Variants in BUB3 observed in about 807,000 individuals in gnomAD.
BUB3 encodes BUB3 mitotic checkpoint protein.
Under a neutral mutation model 39.9 loss-of-function variants are expected in BUB3, and 22 were observed. The observed-to-expected ratio is 0.55, with a 90% confidence interval of 0.39 to 0.79. The LOEUF is 0.79. Ranked by LOEUF, BUB3 falls within the 30% of genes least tolerant of loss-of-function variation. BUB3 has a pLI of 0.00. For synonymous variants in BUB3, 168 were observed against 155.1 expected, an observed-to-expected ratio of 1.08 and a Z score of -0.62; for missense variants, 303 against 415.4, an observed-to-expected ratio of 0.73 and a Z score of 2.35.
chr10:123,155,179 T>C (rs2133564403), intron 2 of BUB3, 67 bp downstream of exon 2: 1 of 1,532,072 alleles, frequency 6.5e-7, no homozygotes, highest in Middle Eastern at 1.8e-4. Context: ...GAGGAGCGTT[T>C]CTTTTCCAGT....
chr10:123,162,605 C>A lies in BUB3; in HGVS notation c.755-7C>A. On this transcript the variant is annotated splice_polypyrimidine_tract_variant and splice_region_variant and intron_variant, in intron 6 of 7. Transcript: ENST00000368865. ...AACCATTTTAACTGTTTTGAAATTACTTCCAGGTGGTTCTGATGGCTTTGT... is the reference window on the plus strand; with the variant it reads ...AACCATTTTAACTGTTTTGAAATTAATTCCAGGTGGTTCTGATGGCTTTGT... 1 of 1,601,600 alleles carries A rather than the reference C, an allele frequency of 6.2e-7. No individual in the cohort carries two copies. Among genetic ancestry groups the A allele is most frequent in the East Asian group, 2.2e-5 (1 of 44,838 alleles).
chr10:123,157,836 C>T lies in BUB3; in HGVS notation c.373C>T (p.Pro125Ser), dbSNP rs1445770507. 9 of 1,613,784 alleles carry T rather than the reference C, an allele frequency of 5.6e-6. No individual in the cohort carries two copies. The highest frequency in any genetic ancestry group is 4.0e-5 in the African/African-American group (3 of 74,860). The change falls in exon 4 of 8, where the codon CCC (proline) becomes TCC (serine). Residue 125 changes from proline to serine, a missense_variant. This residue lies in a region of BUB3 where 182 missense variants were observed against 293.1 expected (regional missense o/e 0.62). Coordinates refer to ENST00000368865, the MANE Select transcript of BUB3 (RefSeq NM_004725.4). ...GGATCAGACAGTTAAACTGTGGGATCCCAGAACTCCTTGTAATGCTGGGAC... is the reference window on the plus strand; with the variant it reads ...GGATCAGACAGTTAAACTGTGGGATTCCAGAACTCCTTGTAATGCTGGGAC... ...SWDQTVKLWD[P>S]RTPCNAGTFS...
intron 5 of BUB3, among the ~76,000 whole-genome samples, chr10:123,160,817 A>G (rs1443840260): frequency 2.0e-5 from 3 of 152,162 alleles, no homozygotes; most frequent in African/African-American, 7.2e-5. Flanking sequence ...GTTTGAATAG[A>G]GGAGGTTTTC....
intron 5 of BUB3, 60 bp downstream of exon 5, chr10:123,160,625 AATG>A: frequency 7.3e-7 from 1 of 1,379,062 alleles, no homozygotes; most frequent in South Asian, 1.8e-5. Flanking sequence ...CTTATATTAT[AATG>A]ATTTGGCCAC....
In BUB3 at chr10:123,160,407, G is replaced by GTA; in HGVS notation, c.423_424dup (p.Thr142IlefsTer10). Reference sequence around the variant, plus strand: ...AGCAAGTTTTGATCTTTTTTAAAAGGTATATACCCTCTCAGTGTCTGGAGA... The same window carrying GTA: ...AGCAAGTTTTGATCTTTTTTAAAAGGTATATATACCCTCTCAGTGTCTGGAGA... On this transcript the variant is annotated frameshift_variant and splice_region_variant, in exon 5 of 8. Transcript: ENST00000368865. LOFTEE classifies it high-confidence loss of function. 1 of 1,594,078 alleles carries GTA rather than the reference G, an allele frequency of 6.3e-7. No homozygotes were observed. Among genetic ancestry groups the GTA allele is most frequent in the Non-Finnish European group, 8.5e-7 (1 of 1,174,050 alleles).
At chr10:123,155,552 C>T in intron 2 of BUB3, 106 bp from the exon 3 acceptor site, 1 of 1,026,380 alleles carries the variant, frequency 9.7e-7, no homozygotes, top group Non-Finnish European at 1.5e-6. Context: ...AATAGTTGAG[C>T]CCAGTGCATA....
chr10:123,159,678 G>A (rs1424715375), intron 4 of BUB3, among the ~76,000 whole-genome samples: 1 of 152,060 alleles, frequency 6.6e-6, no homozygotes, highest in African/African-American at 2.4e-5. Context: ...CATTATAAGG[G>A]GAAAAATAGG....
rs1844458483 is a variant in BUB3, at chr10:123,164,140, AATGTT to A, written c.*306_*310del. 1.9e-6 allele frequency: 2 copies of A among 1,075,738 alleles called. No homozygotes were observed. Among genetic ancestry groups the A allele is most frequent in the Admixed American group, 1.1e-4 (2 of 18,990 alleles). 66.6% of individuals were successfully genotyped at this position (1,075,738 alleles called of 1,614,324 possible). A position where few individuals can be genotyped will look rare whatever the true frequency, so the allele number is the denominator to read the frequency against. On this transcript the variant is annotated 3_prime_UTR_variant, in exon 8 of 8. Coordinates refer to ENST00000368865, the MANE Select transcript of BUB3 (RefSeq NM_004725.4). ...ATTTTTTGTTTCCACTGTGGAAATAAATGTTTGTAAATAAGTGTAATAAAAATCCC... is the reference window on the plus strand; with the variant it reads ...ATTTTTTGTTTCCACTGTGGAAATAATGTAAATAAGTGTAATAAAAATCCC...
chr10:123,156,751 T>C (rs1380977816), intron 3 of BUB3, among the ~76,000 whole-genome samples: 3 of 147,416 alleles, frequency 2.0e-5, no homozygotes, highest in Non-Finnish European at 3.0e-5. Flanking sequence ...TTTTTCTTTC[T>C]TGTTTTTTTT....
chr10:123,166,091 T>A lies in BUB3; in HGVS notation c.*2256T>A, dbSNP rs6599658. 3 of 152,138 alleles carry A rather than the reference T, an allele frequency of 2.0e-5. No homozygotes were observed. Among genetic ancestry groups the A allele is most frequent in the African/African-American group, 7.2e-5 (3 of 41,408 alleles). The allele number at this position is 152,138 out of a possible 1,614,324, so 9.4% of individuals were successfully genotyped here. On this transcript the variant is annotated 3_prime_UTR_variant, in exon 8 of 8. Coordinates refer to ENST00000368865, the MANE Select transcript of BUB3 (RefSeq NM_004725.4). ...CCTCCCTGCCATCTCTACATACCCC[T>A]TAACCAGCTCTCCACAATTTACTTG...
chr10:123,155,296 G>A (rs1844335607), intron 2 of BUB3, among the ~76,000 whole-genome samples, 184 bp downstream of exon 2: 1 of 152,176 alleles, frequency 6.6e-6, no homozygotes, highest in Admixed American at 6.5e-5. Context: ...TGCAGACATT[G>A]GAAACTCCGT....
rs1372553940 is a variant in BUB3, at chr10:123,170,237, A to G, written c.*6402A>G. 1 of 152,240 alleles carries G rather than the reference A, an allele frequency of 6.6e-6. No individual in the cohort carries two copies. Among genetic ancestry groups the G allele is most frequent in the Admixed American group, 6.5e-5 (1 of 15,288 alleles). 9.4% of individuals were successfully genotyped at this position (152,240 alleles called of 1,614,324 possible). A position where few individuals can be genotyped will look rare whatever the true frequency, so the allele number is the denominator to read the frequency against. On this transcript the variant is annotated 3_prime_UTR_variant, in exon 8 of 8. Coordinates refer to ENST00000368865, the MANE Select transcript of BUB3 (RefSeq NM_004725.4). ...TAACACTTCACTCTCAGATATAATT[A>G]TTAGCTGACTTTTTAGATTCTTTTT...
In BUB3 at chr10:123,165,475, T is replaced by G. The variant is rs1844481018; in HGVS notation, c.*1640T>G. The G allele has an allele frequency of 6.2e-6, 1 of 160,454 alleles. No individual in the cohort carries two copies. Among genetic ancestry groups the G allele is most frequent in the African/African-American group, 2.4e-5 (1 of 41,690 alleles). The allele number at this position is 160,454 out of a possible 1,614,324, so 9.9% of individuals were successfully genotyped here. A position where few individuals can be genotyped will look rare whatever the true frequency, so the allele number is the denominator to read the frequency against. On this transcript the variant is annotated 3_prime_UTR_variant, in exon 8 of 8. Coordinates refer to ENST00000368865, the MANE Select transcript of BUB3 (RefSeq NM_004725.4). ...TGGGGGATGACATTTTACCTTTAAG[T>G]CCACTCTCCCTCGTTTAATTGTCTC... is the stretch of plus-strand genomic sequence containing the variant.
In BUB3 at chr10:123,163,983, ATTTT is replaced by A. The variant is rs75406601; in HGVS notation, c.*156_*159del. On this transcript the variant is annotated 3_prime_UTR_variant, in exon 8 of 8. Coordinates refer to ENST00000368865, the MANE Select transcript of BUB3 (RefSeq NM_004725.4). Reference sequence around the variant, plus strand: ...AAAATAATGGAAAAGAGGTTTTTGAATTTTTTTTTTTAAATAAACACCTTCTTAA... The same window carrying A: ...AAAATAATGGAAAAGAGGTTTTTGAATTTTTTTAAATAAACACCTTCTTAA... 204 of 1,150,728 alleles carry A rather than the reference ATTTT, an allele frequency of 1.8e-4. No individual in the cohort carries two copies. Among genetic ancestry groups the A allele is most frequent in the Non-Finnish European group, 2.2e-4 (195 of 889,674 alleles). The allele number at this position is 1,150,728 out of a possible 1,614,324, so 71.3% of individuals were successfully genotyped here.
Position 123,164,480 on chromosome 10 carries a change from ATTAT to A in BUB3, c.*651_*654del, listed in dbSNP as rs1844462953. 1.0e-6 allele frequency: 1 copy of A among 985,724 alleles called. No individual in the cohort carries two copies. Among genetic ancestry groups the A allele is most frequent in the Non-Finnish European group, 1.2e-6 (1 of 830,146 alleles). The allele number at this position is 985,724 out of a possible 1,614,324, so 61.1% of individuals were successfully genotyped here. A position where few individuals can be genotyped will look rare whatever the true frequency, so the allele number is the denominator to read the frequency against. ...TAATATCATTTTGTGACTGTAAACA[ATTAT>A]TTATTAGCAAACAATTGATCCCAGA... On this transcript the variant is annotated 3_prime_UTR_variant, in exon 8 of 8. Coordinates refer to ENST00000368865, the MANE Select transcript of BUB3 (RefSeq NM_004725.4).
chr10:123,159,959 T>G (rs548757169), intron 4 of BUB3, among the ~76,000 whole-genome samples: 1 of 152,324 alleles, frequency 6.6e-6, no homozygotes, highest in East Asian at 1.9e-4. Context: ...AAAGGTGGTT[T>G]TAGAAAAATA....
rs141045488 is a variant in BUB3, at chr10:123,164,141, A to T, written c.*306A>T. The T allele has an allele frequency of 4.6e-4, 494 of 1,076,344 alleles. 1 individual carries two copies. The African/African-American group carries it at 7.5e-3, about 16-fold the overall frequency. 66.7% of individuals were successfully genotyped at this position (1,076,344 alleles called of 1,614,324 possible). A position where few individuals can be genotyped will look rare whatever the true frequency, so the allele number is the denominator to read the frequency against. On this transcript the variant is annotated 3_prime_UTR_variant, in exon 8 of 8. Coordinates refer to ENST00000368865, the MANE Select transcript of BUB3 (RefSeq NM_004725.4). The stretch of plus-strand genomic sequence containing the variant: ...TTTTTTGTTTCCACTGTGGAAATAA[A>T]TGTTTGTAAATAAGTGTAATAAAAA...
At chr10:123,159,803 T>A (rs923203835) in intron 4 of BUB3, among the ~76,000 whole-genome samples, 2 of 152,220 alleles carry the variant, frequency 1.3e-5, no homozygotes, top group African/African-American at 4.8e-5. Flanking sequence ...TCTTGTCTTT[T>A]AATTTTGAGT....
rs2133571427 is a variant in BUB3 at position 123,163,719 on chromosome 10, G to T, written c.972-101G>T. ...AAGTCTTAGCATGTGAAGCCTGTTG[G>T]ATAAAGGGCTGTGTTTGCATTTAAT... On this transcript the variant is annotated intron_variant, in intron 7 of 7. Coordinates refer to ENST00000368865, the MANE Select transcript of BUB3 (RefSeq NM_004725.4). 3 of 1,048,768 alleles carry T rather than the reference G, an allele frequency of 2.9e-6. No individual in the cohort carries two copies. The East Asian group carries it at 7.6e-5, about 27-fold the overall frequency. The allele number at this position is 1,048,768 out of a possible 1,614,324, so 65.0% of individuals were successfully genotyped here.
Sources: gnomAD v4.1 joint callset for allele counts (sites outside exome capture counted in the v4.1 genomes callset) on GRCh38, gnomAD v4.1.1 for gene constraint, gnomAD v4.1.1 regional missense constraint, MANE v1.5 for transcripts, NCBI Gene and HGNC (gene_info 2026-07-23, HGNC 2026-07-21) for gene names.